Variants in SPAG16 observed in about 807,000 individuals in gnomAD.
The protein encoded by SPAG16 is sperm associated antigen 16.
In SPAG16, 86 loss-of-function variants were observed where a neutral mutation model predicts 80.4. The observed-to-expected ratio is 1.07, with a 90% CI of 0.90 to 1.28. The LOEUF (loss-of-function observed/expected upper bound fraction) is 1.28. Among genes scored for constraint, SPAG16 ranks in the 50% most tolerant of loss-of-function variants. The pLI is 0.00. For synonymous variants in SPAG16, 294 were observed against 265.9 expected (o/e 1.11, Z -1.03); for missense variants, 870 against 765.3 (o/e 1.14, Z -1.61).
intron 11 of SPAG16, among the ~76,000 whole-genome samples, chr2:213,898,367 A>C (rs2077078181): frequency 6.6e-6 from 1 of 152,162 alleles, no homozygotes; most frequent in Non-Finnish European, 1.5e-5. Flanking sequence ...ACAGAAAACT[A>C]AATGCTTACC....
chr2:213,290,471 C>A (rs974611452), intron 1 of SPAG16, among the ~76,000 whole-genome samples: 1 of 152,064 alleles, frequency 6.6e-6, no homozygotes, highest in Admixed American at 6.5e-5. Context: ...GCCAAGTGTG[C>A]AGATAGGTAA....
At chr2:213,867,358 A>G (rs1286276329) in intron 11 of SPAG16, among the ~76,000 whole-genome samples, 1 of 152,230 alleles carries the variant, frequency 6.6e-6, no homozygotes, top group East Asian at 1.9e-4. Context: ...AAGAAAATGT[A>G]CATTGCCAAA....
chr2:213,717,700 T>C (rs1440928823), intron 10 of SPAG16, among the ~76,000 whole-genome samples: 2 of 152,134 alleles, frequency 1.3e-5, no homozygotes, highest in East Asian at 1.9e-4. Context: ...ACATCCATTA[T>C]CTGCTATTAA....
intron 10 of SPAG16, among the ~76,000 whole-genome samples, chr2:213,594,329 T>A (rs2060812275): frequency 6.6e-6 from 1 of 152,226 alleles, no homozygotes; most frequent in Admixed American, 6.5e-5. Flanking sequence ...GAGATACCCA[T>A]GACCTACAGA....
intron 10 of SPAG16, among the ~76,000 whole-genome samples, chr2:213,709,511 A>G (rs961095567): frequency 6.6e-6 from 1 of 152,226 alleles, no homozygotes; most frequent in Non-Finnish European, 1.5e-5. Flanking sequence ...CTATGATTAA[A>G]AGAGCTTTAA....
intron 12 of SPAG16, among the ~76,000 whole-genome samples, chr2:213,939,778 T>C (rs1407083210): frequency 6.6e-6 from 1 of 152,138 alleles, no homozygotes; most frequent in Non-Finnish European, 1.5e-5. Context: ...AAAGTATACA[T>C]TAGCAAGAAT....
At chr2:213,440,153 T>A (rs2070855706) in intron 9 of SPAG16, among the ~76,000 whole-genome samples, 1 of 152,154 alleles carries the variant, frequency 6.6e-6, no homozygotes, top group East Asian at 1.9e-4. Flanking sequence ...ACAATTTAAT[T>A]CCATGGGCCA....
chr2:214,303,772 A>G (rs984064653), intron 15 of SPAG16, among the ~76,000 whole-genome samples: 1 of 152,180 alleles, frequency 6.6e-6, no homozygotes, highest in Non-Finnish European at 1.5e-5. Flanking sequence ...TTCACTTTAC[A>G]TAATCCAGTA....
chr2:214,046,930 C>T (rs2049360578), intron 13 of SPAG16, among the ~76,000 whole-genome samples: 1 of 150,462 alleles, frequency 6.6e-6, no homozygotes, highest in African/African-American at 2.4e-5. Context: ...ATTTAGCAAT[C>T]CCATTTACAT....
intron 12 of SPAG16, among the ~76,000 whole-genome samples, chr2:213,980,414 C>A (rs868829646): frequency 1.1e-3 from 26 of 23,466 alleles, no homozygotes; most frequent in African/African-American, 3.3e-3. Flanking sequence ...TATATATATT[C>A]TATATATATA....
At chr2:214,031,778 A>C (rs1237868340) in intron 13 of SPAG16, among the ~76,000 whole-genome samples, 1 of 152,128 alleles carries the variant, frequency 6.6e-6, no homozygotes, top group Non-Finnish European at 1.5e-5. Flanking sequence ...GAAGGCAAAG[A>C]GGAAGCAGGC....
intron 10 of SPAG16, among the ~76,000 whole-genome samples, chr2:213,819,740 A>G (rs2072812530): frequency 6.6e-6 from 1 of 150,438 alleles, no homozygotes; most frequent in African/African-American, 2.4e-5. Flanking sequence ...TTTTTGTTTG[A>G]TTGTTTGTTT....
chr2:213,768,599 C>A (rs1179131751), intron 10 of SPAG16, among the ~76,000 whole-genome samples: 1 of 152,000 alleles, frequency 6.6e-6, no homozygotes, highest in East Asian at 1.9e-4. Context: ...GAAAATGATA[C>A]CATTTGTTCC....
At chr2:214,139,069 G>A (rs1041702257) in intron 14 of SPAG16, among the ~76,000 whole-genome samples, 1 of 152,078 alleles carries the variant, frequency 6.6e-6, no homozygotes, top group African/African-American at 2.4e-5. Flanking sequence ...GTTTTCAGGT[G>A]TTTAATCATT....
At chr2:213,445,938 G>C (rs2071282334) in intron 9 of SPAG16, among the ~76,000 whole-genome samples, 1 of 152,162 alleles carries the variant, frequency 6.6e-6, no homozygotes, top group Non-Finnish European at 1.5e-5. Flanking sequence ...CTGCAGACCT[G>C]GTTCCAGCCC....
chr2:213,846,564 C>T (rs1318611793), intron 10 of SPAG16, among the ~76,000 whole-genome samples: 2 of 151,774 alleles, frequency 1.3e-5, no homozygotes, highest in African/African-American at 2.4e-5. Flanking sequence ...GTTAATTTGA[C>T]ACAAAATAAT....
chr2:214,221,088 T>C (rs917630145), intron 15 of SPAG16, among the ~76,000 whole-genome samples: 3 of 152,188 alleles, frequency 2.0e-5, no homozygotes, highest in African/African-American at 7.2e-5. Context: ...AACATCTGCA[T>C]TTTAGAATTT....
chr2:213,381,865 C>T (rs2067192863), intron 9 of SPAG16, among the ~76,000 whole-genome samples: 1 of 152,144 alleles, frequency 6.6e-6, no homozygotes, highest in Non-Finnish European at 1.5e-5. Context: ...ATCCGCTGTA[C>T]CATTTATGTT....
intron 10 of SPAG16, among the ~76,000 whole-genome samples, chr2:213,703,014 A>C (rs2065558196): frequency 6.6e-6 from 1 of 152,142 alleles, no homozygotes; most frequent in South Asian, 2.1e-4. Flanking sequence ...TGCTCATGTG[A>C]TATGGTCCAT....
Sources: allele counts gnomAD v4.1 joint callset (sites outside exome capture counted in the v4.1 genomes callset), GRCh38; gene constraint gnomAD v4.1.1; transcripts MANE v1.5; gene names NCBI Gene and HGNC (gene_info 2026-07-23, HGNC 2026-07-21).